The following SLC6A13 variants were observed in gnomAD, a reference collection of about 807,000 sequenced individuals.
The protein encoded by SLC6A13 is solute carrier family 6 member 13, also known as sodium- and chloride-dependent GABA transporter 2.
SLC6A13 carries 69 observed loss-of-function variants against 72.9 expected under a neutral mutation model. That is an observed-to-expected ratio of 0.95 (90% CI 0.78 to 1.16). SLC6A13 has a LOEUF of 1.16. SLC6A13 is among the 50% of genes most tolerant of loss of function. The probability of loss-of-function intolerance (pLI) is 0.00; values close to 1 mark genes in which losing one functional copy is unlikely to be tolerated. For missense variants in SLC6A13, 735 were observed against 760.5 expected (o/e 0.97, Z 0.39); for synonymous variants, 303 against 303.0 (o/e 1.00, Z 0.00).
At position 258,837 on chromosome 12, in the gene SLC6A13, T is replaced by C. The variant is rs188464318; in HGVS notation, c.202+1014A>G. Among the ~76,000 whole-genome samples the C allele has an allele frequency of 5.1e-4, 77 of 152,334 alleles. 2 individuals carry two copies. The East Asian group carries it at 0.014, about 27-fold the overall frequency. On this transcript the variant is annotated intron_variant, in intron 2 of 14. Coordinates refer to ENST00000343164, the MANE Select transcript of SLC6A13 (RefSeq NM_016615.5). ...TGGAGGTCATGCTCCCCCTACAACA[T>C]GCACACATTTGTGCTGCGAAATTTT...
chr12:243,102 C>T (rs1030927879), intron 3 of SLC6A13, among the ~76,000 whole-genome samples: 2 of 151,916 alleles, frequency 1.3e-5, no homozygotes, highest in African/African-American at 2.4e-5. Context: ...CTCTGCCTCC[C>T]AGGTTCAAGA....
chr12:261,843 T>TA (rs1942935554), intron 1 of SLC6A13, among the ~76,000 whole-genome samples: 2 of 151,880 alleles, frequency 1.3e-5, no homozygotes, highest in African/African-American at 4.8e-5. Flanking sequence ...GGAGAATCGC[T>TA]TGAAACCAGG....
At chr12:250,035 A>G (rs1942482034) in intron 2 of SLC6A13, among the ~76,000 whole-genome samples, 1 of 152,170 alleles carries the variant, frequency 6.6e-6, no homozygotes, top group Non-Finnish European at 1.5e-5. Flanking sequence ...ACAAATTACA[A>G]AAGAAAAACT....
At chr12:237,625 T>G (rs1941984154) in intron 5 of SLC6A13, among the ~76,000 whole-genome samples, 1 of 150,606 alleles carries the variant, frequency 6.6e-6, no homozygotes. Flanking sequence ...TGGGTCAGAG[T>G]CCACACTCTT....
At chr12:261,400 C>A (rs767262251) in intron 1 of SLC6A13, among the ~76,000 whole-genome samples, 1 of 152,230 alleles carries the variant, frequency 6.6e-6, no homozygotes, top group Non-Finnish European at 1.5e-5. Context: ...TCTGCCCCTG[C>A]TCTTTCAGTT....
chr12:260,922 T>A (rs1226434149), intron 1 of SLC6A13, among the ~76,000 whole-genome samples: 7 of 151,826 alleles, frequency 4.6e-5, no homozygotes, highest in East Asian at 1.9e-4. Flanking sequence ...AAGCCGGTTT[T>A]AAAAAAAAAT....
intron 3 of SLC6A13, among the ~76,000 whole-genome samples, chr12:243,434 C>T (rs1440197133): frequency 2.0e-5 from 3 of 152,218 alleles, no homozygotes; most frequent in African/African-American, 4.8e-5. Flanking sequence ...AAACATATGG[C>T]TAAAGTGGCT....
intron 4 of SLC6A13, among the ~76,000 whole-genome samples, chr12:239,376 G>C (rs989385015): frequency 2.0e-5 from 3 of 151,982 alleles, no homozygotes; most frequent in Non-Finnish European, 2.9e-5. Context: ...CTGCACACGT[G>C]GGGTGTGTTA....
chr12:232,274 C>T (rs894935720), intron 7 of SLC6A13, among the ~76,000 whole-genome samples: 7 of 152,154 alleles, frequency 4.6e-5, no homozygotes, highest in East Asian at 1.9e-4. Flanking sequence ...CCGGCCTACC[C>T]GCAGACAAAG....
intron 2 of SLC6A13, among the ~76,000 whole-genome samples, chr12:255,622 G>A (rs1377705146): frequency 6.6e-6 from 1 of 152,256 alleles, no homozygotes; most frequent in African/African-American, 2.4e-5. Context: ...CTTGAACCCA[G>A]TAGGTAGAGG....
intron 2 of SLC6A13, among the ~76,000 whole-genome samples, chr12:255,042 A>T (rs1942691638): frequency 2.0e-5 from 3 of 152,314 alleles, no homozygotes; most frequent in South Asian, 4.1e-4. Flanking sequence ...ATGGCCTTCC[A>T]CGTCTCAGTG....
chr12:242,595 C>G lies in SLC6A13; in HGVS notation c.478+19G>C. ...GGCAGAACGAGAGGAGGAAGTGGAC[C>G]CTTGGGTGAGGACCATACCTGTGTT... On this transcript the variant is annotated intron_variant, in intron 4 of 14. Transcript: ENST00000343164. 1 of 1,609,128 alleles carries G rather than the reference C, an allele frequency of 6.2e-7. No homozygotes were observed. Among genetic ancestry groups the G allele is most frequent in the Non-Finnish European group, 8.5e-7 (1 of 1,176,888 alleles).
At chr12:235,307 A>G (rs2137280519) in intron 6 of SLC6A13, 83 bp from the exon 7 acceptor site, 1 of 1,386,754 alleles carries the variant, frequency 7.2e-7, no homozygotes, top group Admixed American at 1.8e-5. Flanking sequence ...GGCAGGGGCA[A>G]GAGCTCCTCA....
At chr12:241,107 C>T (rs941572618) in intron 4 of SLC6A13, among the ~76,000 whole-genome samples, 8 of 152,066 alleles carry the variant, frequency 5.3e-5, no homozygotes, top group Admixed American at 4.6e-4. Flanking sequence ...AGTTCAAGAC[C>T]AGCCTGGCCA....
intron 4 of SLC6A13, among the ~76,000 whole-genome samples, chr12:239,855 C>T (rs749886219): frequency 5.3e-5 from 8 of 152,132 alleles, no homozygotes; most frequent in South Asian, 2.1e-4. Flanking sequence ...TTCATCTTGG[C>T]GGGACAGCGT....
chr12:254,503 C>CCTA lies in SLC6A13; in HGVS notation c.202+5345_202+5347dup, dbSNP rs914155870. 6.6e-5 allele frequency among the ~76,000 whole-genome samples: 10 copies of CCTA among 152,228 alleles called. No homozygotes were observed. Among genetic ancestry groups the CCTA allele is most frequent in the Admixed American group, 5.9e-4 (9 of 15,280 alleles). On this transcript the variant is annotated intron_variant, in intron 2 of 14. Transcript: ENST00000343164. This position sits in a 1 kb window ranked among gnomAD's most constrained non-coding sequence, Gnocchi z 4.4. ...CAATTTCCTTTCCTCATCTTCTTAA[C>CCTA]CTATCTGCAGCCTTTGCTGCAGTTA...
chr12:246,759 G>A (rs558579238), intron 2 of SLC6A13, among the ~76,000 whole-genome samples: 6 of 152,206 alleles, frequency 3.9e-5, no homozygotes, highest in African/African-American at 9.6e-5. Flanking sequence ...TGTAATCCCC[G>A]CATTTTGGGA....
intron 4 of SLC6A13, among the ~76,000 whole-genome samples, chr12:240,367 C>A (rs368907696): frequency 1.3e-5 from 2 of 152,042 alleles, no homozygotes; most frequent in Non-Finnish European, 2.9e-5. Flanking sequence ...CCACCCCTGG[C>A]AAATTTTTTG....
At chr12:246,691 C>T (rs959927596) in intron 2 of SLC6A13, among the ~76,000 whole-genome samples, 1 of 151,984 alleles carries the variant, frequency 6.6e-6, no homozygotes, top group Non-Finnish European at 1.5e-5. Flanking sequence ...TAGAAACTAT[C>T]TAAAATAAAA....
Sources: gnomAD v4.1 joint callset for allele counts (sites outside exome capture counted in the v4.1 genomes callset) on GRCh38, gnomAD v4.1.1 for gene constraint, Gnocchi (gnomAD v3.1) non-coding constraint, MANE v1.5 for transcripts, NCBI Gene and HGNC (gene_info 2026-07-23, HGNC 2026-07-21) for gene names.